RIMS2: variants seen among roughly 807,000 people sequenced by gnomAD.
The protein encoded by RIMS2 is regulating synaptic membrane exocytosis protein 2.
A neutral mutation model predicts 174.4 loss-of-function variants in RIMS2; 59 were observed. That is an observed-to-expected ratio of 0.34 (90% CI 0.27 to 0.42). RIMS2 has a LOEUF of 0.42. Among genes scored for constraint, RIMS2 ranks in the 10% least tolerant of loss-of-function variants. RIMS2 has a pLI of 1.00. For synonymous variants in RIMS2, 606 were observed against 572.5 expected, an observed-to-expected ratio of 1.06 and a Z score of -0.84; for missense variants, 1,620 against 1,666.3, an observed-to-expected ratio of 0.97 and a Z score of 0.48.
intron 19 of RIMS2, among the ~76,000 whole-genome samples, chr8:104,168,574 T>C (rs1421806021): frequency 6.6e-6 from 1 of 152,096 alleles, no homozygotes; most frequent in Admixed American, 6.5e-5. Context: ...GATGAGTCTT[T>C]AGGGTTTTCA....
At chr8:103,754,097 T>C (rs1405879964) in intron 2 of RIMS2, among the ~76,000 whole-genome samples, 1 of 152,232 alleles carries the variant, frequency 6.6e-6, no homozygotes, top group Non-Finnish European at 1.5e-5. Context: ...CACACTGCTT[T>C]AAGTGTGTCC....
intron 1 of RIMS2, among the ~76,000 whole-genome samples, chr8:103,615,456 A>G (rs2095483413): frequency 6.6e-6 from 1 of 152,180 alleles, no homozygotes; most frequent in South Asian, 2.1e-4. Context: ...ACCTAATTTC[A>G]CAACTGAAAG....
chr8:103,605,890 T>A (rs1265666488), intron 1 of RIMS2, among the ~76,000 whole-genome samples: 3 of 150,674 alleles, frequency 2.0e-5, no homozygotes, highest in Non-Finnish European at 4.4e-5. Context: ...TTCTTCTCTC[T>A]TTTTTTCTTT....
intron 3 of RIMS2, among the ~76,000 whole-genome samples, chr8:103,878,000 A>G (rs1353560422): frequency 6.6e-6 from 1 of 151,770 alleles, no homozygotes; most frequent in Non-Finnish European, 1.5e-5. Flanking sequence ...CTTGAATTGT[A>G]ATCCCCTGGT....
intron 1 of RIMS2, among the ~76,000 whole-genome samples, chr8:103,547,145 A>G (rs912517984): frequency 2.6e-5 from 4 of 152,178 alleles, no homozygotes; most frequent in African/African-American, 9.7e-5. Flanking sequence ...GGTATTTGTT[A>G]GGCTTGAATG....
At chr8:103,692,947 G>A (rs1314652699) in intron 1 of RIMS2, among the ~76,000 whole-genome samples, 2 of 152,132 alleles carry the variant, frequency 1.3e-5, no homozygotes, top group East Asian at 1.9e-4. Flanking sequence ...ATCAGGAATT[G>A]CCCAGGAATT....
intron 3 of RIMS2, among the ~76,000 whole-genome samples, chr8:103,820,930 T>G (rs1259533607): frequency 4.0e-5 from 6 of 151,442 alleles, no homozygotes; most frequent in Admixed American, 6.6e-5. Flanking sequence ...TATATTTAAA[T>G]TAAAAAGCAA....
At position 104,121,841 on chromosome 8, in the gene RIMS2, A is replaced by T. The variant is rs185758974; in HGVS notation, c.3334+107226A>T. On this transcript the variant is annotated intron_variant, in intron 19 of 23. Transcript: ENST00000504942. ...GCCAGGCGTGGTGACACACGCCTGT[A>T]ATCCCAGCACTTGGGAGACTGAGGC... is the stretch of plus-strand genomic sequence containing the variant. 1.2e-3 allele frequency among the ~76,000 whole-genome samples: 180 copies of T among 152,256 alleles called. 3 individuals are homozygous for T. The highest frequency in any genetic ancestry group is 0.011 in the Admixed American group (170 of 15,286).
intron 3 of RIMS2, among the ~76,000 whole-genome samples, chr8:103,814,738 G>A (rs1205135871): frequency 2.0e-5 from 3 of 152,006 alleles, no homozygotes; most frequent in Admixed American, 6.6e-5. Context: ...AATTATTCAG[G>A]CATGATGGTG....
chr8:103,963,933 T>C (rs1365032735), intron 15 of RIMS2, among the ~76,000 whole-genome samples: 2 of 152,238 alleles, frequency 1.3e-5, no homozygotes, highest in Non-Finnish European at 2.9e-5. Flanking sequence ...GTTGGAATCA[T>C]ACAGTTTGTA....
intron 3 of RIMS2, among the ~76,000 whole-genome samples, chr8:103,797,183 T>C (rs1198753549): frequency 6.6e-6 from 1 of 152,178 alleles, no homozygotes; most frequent in Non-Finnish European, 1.5e-5. Context: ...CTTACCTTTT[T>C]CTTCAAAGCC....
chr8:103,888,648 A>G (rs1594610709), intron 4 of RIMS2, among the ~76,000 whole-genome samples: 1 of 151,578 alleles, frequency 6.6e-6, no homozygotes, highest in Non-Finnish European at 1.5e-5. Context: ...AAGCTTTTTT[A>G]TATGTGATAT....
chr8:103,938,989 C>T (rs2081946648), intron 13 of RIMS2, among the ~76,000 whole-genome samples: 1 of 152,218 alleles, frequency 6.6e-6, no homozygotes, highest in African/African-American at 2.4e-5. Flanking sequence ...TAACCCCCCT[C>T]CTGGCTGCTT....
chr8:104,062,834 G>C lies in RIMS2; in HGVS notation c.3334+48219G>C, dbSNP rs182258951. 2.6e-5 allele frequency among the ~76,000 whole-genome samples: 4 copies of C among 151,788 alleles called. No individual in the cohort carries two copies. The East Asian group carries it at 7.7e-4, about 29-fold the overall frequency. ...CTTTTGTGTCTATTCCACATTGTTT[G>C]TATTTTCTTAAAAGTTCATAAAATG... On this transcript the variant is annotated intron_variant, in intron 19 of 23. Transcript: ENST00000504942.
chr8:103,870,038 T>C (rs1217038464), intron 3 of RIMS2, among the ~76,000 whole-genome samples: 1 of 152,162 alleles, frequency 6.6e-6, no homozygotes, highest in Non-Finnish European at 1.5e-5. Flanking sequence ...TTGGCTGATG[T>C]TGATATTCTG....
chr8:104,076,372 C>A (rs2097292430), intron 19 of RIMS2, among the ~76,000 whole-genome samples: 1 of 152,028 alleles, frequency 6.6e-6, no homozygotes, highest in South Asian at 2.1e-4. Flanking sequence ...TATCAAACAT[C>A]CATCAAACTA....
chr8:104,105,743 A>T (rs532264696), intron 19 of RIMS2, among the ~76,000 whole-genome samples: 57 of 152,046 alleles, frequency 3.7e-4, no homozygotes, highest in Non-Finnish European at 6.0e-4. Context: ...CTAATTTTTT[A>T]AAAAAATTTA....
At chr8:103,727,850 A>G (rs889638186) in intron 2 of RIMS2, among the ~76,000 whole-genome samples, 14 of 152,132 alleles carry the variant, frequency 9.2e-5, no homozygotes, top group Non-Finnish European at 1.8e-4. Context: ...GCTTGGTAGT[A>G]TAATTTGAAG....
At position 104,120,602 on chromosome 8, in the gene RIMS2, A is replaced by G. The variant is rs1304886487; in HGVS notation, c.3334+105987A>G. Among the ~76,000 whole-genome samples, 4 of 152,178 alleles carry G rather than the reference A, an allele frequency of 2.6e-5. No individual in the cohort carries two copies. The East Asian group carries it at 7.7e-4, about 29-fold the overall frequency. On this transcript the variant is annotated intron_variant, in intron 19 of 23. Coordinates refer to ENST00000504942, the Ensembl canonical transcript of RIMS2. ...AAGTTAAAGGATATTTTTATTCATT[A>G]TTTTGGTTCATTTTATAATACACAG...
Sources: gnomAD v4.1 joint callset for allele counts (sites outside exome capture counted in the v4.1 genomes callset) on GRCh38, gnomAD v4.1.1 for gene constraint, MANE v1.5 for transcripts, NCBI Gene and HGNC (gene_info 2026-07-23, HGNC 2026-07-21) for gene names.